The following CMPK2 variants were observed in gnomAD, a reference collection of about 807,000 sequenced individuals.
CMPK2 encodes the protein UMP-CMP kinase 2, mitochondrial.
Under a neutral mutation model 33.4 loss-of-function variants are expected in CMPK2, and 32 were observed. The observed-to-expected ratio is 0.96, with a 90% CI of 0.72 to 1.29. The LOEUF (loss-of-function observed/expected upper bound fraction) is 1.29. CMPK2 is among the 50% of genes most tolerant of loss of function. CMPK2 has a pLI of 0.00. For missense variants in CMPK2, 672 were observed against 616.0 expected, an observed-to-expected ratio of 1.09 and a Z score of -0.96; for synonymous variants, 299 against 275.3, an observed-to-expected ratio of 1.09 and a Z score of -0.85.
At chr2:6,842,457 C>G (rs923145129) in intron 3 of CMPK2, among the ~76,000 whole-genome samples, 9 of 152,348 alleles carry the variant, frequency 5.9e-5, no homozygotes, top group Admixed American at 2.0e-4. Context: ...AAAGCCACCA[C>G]TGCAACTGTT....
At chr2:6,859,978 G>T (rs1039241550) in intron 3 of CMPK2, among the ~76,000 whole-genome samples, 3 of 152,218 alleles carry the variant, frequency 2.0e-5, no homozygotes, top group Admixed American at 1.3e-4. Flanking sequence ...AGCTGTCCAA[G>T]ACCATGAGGA....
chr2:6,856,831 A>G (rs1168622128), intron 3 of CMPK2, among the ~76,000 whole-genome samples: 1 of 152,240 alleles, frequency 6.6e-6, no homozygotes. Context: ...GCCCTCATGC[A>G]TTGCACAACA....
chr2:6,857,639 C>CTTTTTTTTTTT (rs59168059), intron 3 of CMPK2, among the ~76,000 whole-genome samples: 1 of 131,732 alleles, frequency 7.6e-6, no homozygotes. Flanking sequence ...CTTTTCTTTT[C>CTTTTTTTTTTT]TTTTTTTTTT....
At chr2:6,851,801 T>C in intron 3 of CMPK2, 118 bp from the exon 4 acceptor site, 1 of 732,422 alleles carries the variant, frequency 1.4e-6, no homozygotes, top group South Asian at 2.0e-5. Context: ...TTTCTAGTAT[T>C]GCATAAGTTA....
At chr2:6,859,192 A>C (rs1662800591) in intron 3 of CMPK2, among the ~76,000 whole-genome samples, 1 of 152,226 alleles carries the variant, frequency 6.6e-6, no homozygotes, top group Admixed American at 6.5e-5. Context: ...AGCATTCAAG[A>C]GGTGACTTGG....
intron 1 of CMPK2, 105 bp downstream of exon 1, chr2:6,864,917 C>A: frequency 1.5e-6 from 2 of 1,317,648 alleles, no homozygotes; most frequent in Non-Finnish European, 1.9e-6. Flanking sequence ...AATAAACAAA[C>A]CACCCAGGCA....
downstream of CMPK2, among the ~76,000 whole-genome samples, chr2:6,846,930 G>T (rs113769778): frequency 6.6e-6 from 1 of 152,204 alleles, no homozygotes; most frequent in Admixed American, 6.5e-5. Context: ...ACAGTCTCCC[G>T]TTGTCTGAGA....
At position 6,849,029 on chromosome 2, in the gene CMPK2, T is replaced by C. The variant is rs1226731865; in HGVS notation, c.*821A>G. On this transcript the variant is annotated 3_prime_UTR_variant, in exon 5 of 5. Transcript: ENST00000256722. ...AGGAAACATATTATGTATAGATTAA[T>C]ATAAATAAATTACTGGATTGGCTAA... The C allele has an allele frequency of 4.1e-6, 4 of 982,198 alleles. No individual in the cohort carries two copies. The highest frequency in any genetic ancestry group is 6.1e-5 in the Admixed American group (1 of 16,264). The allele number at this position is 982,198 out of a possible 1,614,324, so 60.8% of individuals were successfully genotyped here.
At chr2:6,850,093 C>G in intron 4 of CMPK2, 120 bp from the exon 5 acceptor site, 1 of 685,988 alleles carries the variant, frequency 1.5e-6, no homozygotes. Flanking sequence ...ATTTATCTCA[C>G]TGTAACTAGC....
intron 3 of CMPK2, among the ~76,000 whole-genome samples, chr2:6,857,660 G>A (rs557146928): frequency 1.7e-4 from 23 of 131,570 alleles, no homozygotes; most frequent in Non-Finnish European, 2.8e-4. Flanking sequence ...TTTTTGAGAC[G>A]GAGTCTCGCT....
At chr2:6,843,929 T>C (rs183794806), downstream of CMPK2, among the ~76,000 whole-genome samples, 7 of 152,304 alleles carry the variant, frequency 4.6e-5, no homozygotes, top group Admixed American at 1.3e-4. Context: ...TGGATAGTAA[T>C]GGCAGTTCGA....
At chr2:6,855,320 T>TCTGCCCCTGCCC (rs754999091) in intron 3 of CMPK2, among the ~76,000 whole-genome samples, 3,798 of 92,006 alleles carry the variant, frequency 0.041, 186 homozygotes, top group African/African-American at 0.1. Context: ...CGCCTCTGCC[T>TCTGCCCCTGCCC]CTGCCCCTGC....
chr2:6,850,713 C>G (rs1210105423), intron 4 of CMPK2: 1 of 973,830 alleles, frequency 1.0e-6, no homozygotes, highest in South Asian at 4.8e-5. Flanking sequence ...AACATAATAT[C>G]TTTACCCACA....
intron 3 of CMPK2, among the ~76,000 whole-genome samples, chr2:6,854,158 C>G (rs1192436196): frequency 6.6e-6 from 1 of 152,190 alleles, no homozygotes; most frequent in African/African-American, 2.4e-5. Context: ...TTTTCTTTTT[C>G]TGGTACTTAA....
At chr2:6,866,475 G>C (rs931397655), upstream of CMPK2, 165 of 985,506 alleles carry the variant, frequency 1.7e-4, no homozygotes, top group Non-Finnish European at 1.9e-4. Context: ...CCCTTTTGCT[G>C]ACTCTCCAAC....
chr2:6,847,667 G>A (rs914215160), downstream of CMPK2, among the ~76,000 whole-genome samples: 20 of 152,282 alleles, frequency 1.3e-4, no homozygotes, highest in African/African-American at 4.3e-4. Context: ...TCCTTTTAGT[G>A]TCATCCTCAT....
At chr2:6,861,792 T>G (rs1194755417) in intron 2 of CMPK2, among the ~76,000 whole-genome samples, 1 of 152,254 alleles carries the variant, frequency 6.6e-6, no homozygotes, top group Non-Finnish European at 1.5e-5. Context: ...ACCTTCTTCA[T>G]ACCCTGCTTC....
At position 6,848,393 on chromosome 2, in the gene CMPK2, G is replaced by A. The variant is rs1158747984; in HGVS notation, c.*1457C>T. 9.1e-6 allele frequency: 9 copies of A among 984,778 alleles called. No individual in the cohort carries two copies. The highest frequency in any genetic ancestry group is 1.1e-5 in the Non-Finnish European group (9 of 829,464). The allele number at this position is 984,778 out of a possible 1,614,324, so 61.0% of individuals were successfully genotyped here. ...CATTAATTGTTTGTTTTTCTAGGCT[G>A]CCAGTATAAGCTTTTCAAAATGTTT... On this transcript the variant is annotated 3_prime_UTR_variant, in exon 5 of 5. Coordinates refer to ENST00000256722, the MANE Select transcript of CMPK2 (RefSeq NM_207315.4).
downstream of CMPK2, among the ~76,000 whole-genome samples, chr2:6,844,624 G>A (rs1433929400): frequency 6.6e-6 from 1 of 152,072 alleles, no homozygotes; most frequent in Non-Finnish European, 1.5e-5. Flanking sequence ...AAGGAATACT[G>A]CCTCCCTCCC....
Sources: allele counts gnomAD v4.1 joint callset (sites outside exome capture counted in the v4.1 genomes callset), GRCh38; gene constraint gnomAD v4.1.1; transcripts MANE v1.5; gene names NCBI Gene and HGNC (gene_info 2026-07-23, HGNC 2026-07-21).